Variants in ZFHX3 observed in about 807,000 individuals in gnomAD.
ZFHX3 encodes the protein zinc finger homeobox 3.
A neutral mutation model predicts 279.1 loss-of-function variants in ZFHX3; 42 were observed. The observed-to-expected ratio is 0.15, with a 90% CI of 0.12 to 0.19. The LOEUF (loss-of-function observed/expected upper bound fraction) is 0.19, where lower values mean the gene tolerates loss of function less well. Ranked by LOEUF, ZFHX3 falls within the 10% of genes least tolerant of loss-of-function variation. The pLI is 1.00. For missense variants in ZFHX3, 4,981 were observed against 4,754.0 expected (o/e 1.05, Z -1.40); for synonymous variants, 2,293 against 1,957.8 (o/e 1.17, Z -4.52).
intron 3 of ZFHX3, among the ~76,000 whole-genome samples, chr16:73,356,798 A>G (rs1018905318): frequency 1.1e-4 from 17 of 150,878 alleles, no homozygotes; most frequent in Non-Finnish European, 4.4e-5. Flanking sequence ...CTATACATGA[A>G]GGCTGTTTGC....
chr16:73,159,983 G>T (rs1967189005), intron 5 of ZFHX3, among the ~76,000 whole-genome samples: 1 of 152,102 alleles, frequency 6.6e-6, no homozygotes, highest in Non-Finnish European at 1.5e-5. Flanking sequence ...GGTGGGTCTC[G>T]AACTCCTGAC....
chr16:73,501,003 G>T (rs1465828518), intron 2 of ZFHX3, among the ~76,000 whole-genome samples: 1 of 152,216 alleles, frequency 6.6e-6, no homozygotes, highest in African/African-American at 2.4e-5. Context: ...TTCCATTCCT[G>T]CAAGCTCCCT....
intron 1 of ZFHX3, among the ~76,000 whole-genome samples, chr16:73,006,422 A>G (rs1449650748): frequency 2.6e-5 from 4 of 152,166 alleles, no homozygotes; most frequent in African/African-American, 9.7e-5. Flanking sequence ...CAGGAGTTTA[A>G]GACCAGCCTG....
intron 1 of ZFHX3, among the ~76,000 whole-genome samples, chr16:73,845,502 C>T (rs1313057229): frequency 6.6e-6 from 1 of 151,696 alleles, no homozygotes; most frequent in Non-Finnish European, 1.5e-5. Flanking sequence ...CAGTAATTCA[C>T]ACCAAACCAC....
chr16:73,551,050 A>G (rs1015370596), intron 2 of ZFHX3, among the ~76,000 whole-genome samples: 2 of 152,224 alleles, frequency 1.3e-5, no homozygotes, highest in African/African-American at 4.8e-5. Context: ...CTACTATTTA[A>G]ACAAATTATA....
chr16:72,911,137 T>G (rs2039306069), intron 3 of ZFHX3, among the ~76,000 whole-genome samples: 1 of 152,174 alleles, frequency 6.6e-6, no homozygotes, highest in Non-Finnish European at 1.5e-5. Context: ...AAACAGAAGG[T>G]GAGAAGCTCA....
chr16:73,525,458 G>A (rs10500572), intron 2 of ZFHX3, among the ~76,000 whole-genome samples: 9,536 of 152,172 alleles, frequency 0.063, 694 homozygotes, highest in East Asian at 0.32. Flanking sequence ...AGGATCTCAC[G>A]GAAAAGAGGT....
At chr16:73,127,031 G>A (rs1966580752) in intron 7 of ZFHX3, 1 of 203,056 alleles carries the variant, frequency 4.9e-6, no homozygotes, top group Non-Finnish European at 1.0e-5. Flanking sequence ...CAAGCATGCA[G>A]TGCGTGGATC....
intron 5 of ZFHX3, among the ~76,000 whole-genome samples, chr16:73,166,159 G>A (rs1967360254): frequency 1.3e-5 from 2 of 152,112 alleles, no homozygotes; most frequent in African/African-American, 4.8e-5. Context: ...GATTTTTAAG[G>A]CTTTATCTCA....
In ZFHX3 at chr16:72,797,587, C is replaced by G. The variant is rs1346469097; in HGVS notation, c.5095G>C (p.Ala1699Pro). ...GMPPLGNPIG[A>P]NIASPSEPKE... is the part of the protein sequence containing the mutation. ...GGCTCTGAAGGGGAAGCAATGTTGG[C>G]ACCAATAGGATTCCCCAGGGGTGGC... The change falls in exon 9 of 10, where the codon GCC (alanine) becomes CCC (proline). Residue 1699 changes from alanine (A) to proline (P), a missense_variant. Transcript: ENST00000268489. 1 of 1,613,968 alleles carries G rather than the reference C, an allele frequency of 6.2e-7. No homozygotes were observed. Among genetic ancestry groups the G allele is most frequent in the South Asian group, 1.1e-5 (1 of 91,072 alleles).
chr16:73,691,934 T>C (rs1036393139), intron 1 of ZFHX3, among the ~76,000 whole-genome samples: 1 of 152,216 alleles, frequency 6.6e-6, no homozygotes, highest in Non-Finnish European at 1.5e-5. Context: ...GTAATATTGC[T>C]GTTGACTTCA....
At chr16:73,259,734 C>T (rs2013765415) in intron 4 of ZFHX3, among the ~76,000 whole-genome samples, 1 of 151,922 alleles carries the variant, frequency 6.6e-6, no homozygotes, top group Non-Finnish European at 1.5e-5. Flanking sequence ...TTCTATATAC[C>T]CAGATTGTCT....
At chr16:73,774,433 A>G (rs1371847521) in intron 1 of ZFHX3, among the ~76,000 whole-genome samples, 2 of 152,170 alleles carry the variant, frequency 1.3e-5, no homozygotes, top group Admixed American at 1.3e-4. Context: ...ATGACACACC[A>G]GGACCCCAGA....
chr16:72,925,157 C>T (rs1774701729), intron 3 of ZFHX3, among the ~76,000 whole-genome samples: 1 of 152,208 alleles, frequency 6.6e-6, no homozygotes, highest in Admixed American at 6.5e-5. Context: ...CTGGAGCAAG[C>T]TGGAATGTGG....
chr16:73,416,723 A>AT (rs1473467719), intron 3 of ZFHX3, among the ~76,000 whole-genome samples: 9 of 151,054 alleles, frequency 6.0e-5, no homozygotes, highest in Non-Finnish European at 1.0e-4. Flanking sequence ...AAATACAAAA[A>AT]ATTAGCCGGG....
At chr16:73,349,149 G>C (rs919752881) in intron 3 of ZFHX3, among the ~76,000 whole-genome samples, 1 of 111,700 alleles carries the variant, frequency 9.0e-6, no homozygotes, top group East Asian at 2.0e-4. Context: ...GTGTCTTCCT[G>C]CTACCTCTAG....
At chr16:73,811,479 T>G in intron 1 of ZFHX3, among the ~76,000 whole-genome samples, 1 of 147,386 alleles carries the variant, frequency 6.8e-6, no homozygotes, top group Admixed American at 6.8e-5. Flanking sequence ...AGTCTTGCTC[T>G]GTCATCTAGG....
intron 3 of ZFHX3, among the ~76,000 whole-genome samples, chr16:72,926,745 C>T (rs948855922): frequency 1.1e-4 from 16 of 152,134 alleles, no homozygotes; most frequent in South Asian, 2.1e-4. Flanking sequence ...AGATGAGGGG[C>T]GATTACATGC....
chr16:72,908,279 G>A (rs2039234265), intron 3 of ZFHX3, among the ~76,000 whole-genome samples: 1 of 152,200 alleles, frequency 6.6e-6, no homozygotes, highest in African/African-American at 2.4e-5. Flanking sequence ...AGAAGAGGGA[G>A]GACTGACGCT....
Sources: allele counts gnomAD v4.1 joint callset (sites outside exome capture counted in the v4.1 genomes callset), GRCh38; gene constraint gnomAD v4.1.1; transcripts MANE v1.5; gene names NCBI Gene and HGNC (gene_info 2026-07-23, HGNC 2026-07-21).